ZNF26: variants seen among roughly 807,000 people sequenced by gnomAD.
The protein encoded by ZNF26 is zinc finger protein 26, also known as epididymis luminal protein 179.
ZNF26 carries 32 observed loss-of-function variants against 54.9 expected under a neutral mutation model. The ratio of observed to expected loss-of-function variants is 0.58; its 90% CI spans 0.44 to 0.78. The LOEUF (loss-of-function observed/expected upper bound fraction) is 0.78, where lower values mean the gene tolerates loss of function less well. ZNF26 is among the 30% of genes least tolerant of loss of function. ZNF26 has a pLI of 0.00. For synonymous variants in ZNF26, 221 were observed against 209.2 expected (o/e 1.06, Z -0.49); for missense variants, 524 against 634.0 (o/e 0.83, Z 1.86).
intron 1 of ZNF26, among the ~76,000 whole-genome samples, chr12:132,997,448 C>T (rs1953112525): frequency 6.6e-6 from 1 of 152,078 alleles, no homozygotes; most frequent in African/African-American, 2.4e-5. Context: ...CGATGAGCTT[C>T]CAAGATAGAG....
intron 1 of ZNF26, among the ~76,000 whole-genome samples, chr12:132,990,721 A>G (rs1172038849): frequency 1.3e-5 from 2 of 152,116 alleles, no homozygotes; most frequent in African/African-American, 4.8e-5. Context: ...TTTTGATTCA[A>G]TTTAGGCTTA....
At chr12:132,996,493 G>A (rs1953087314) in intron 1 of ZNF26, among the ~76,000 whole-genome samples, 1 of 152,182 alleles carries the variant, frequency 6.6e-6, no homozygotes, top group African/African-American at 2.4e-5. Flanking sequence ...AGCAGTAGTA[G>A]TCCAAGCATA....
chr12:132,993,753 G>A lies in ZNF26; in HGVS notation c.33+6880G>A, dbSNP rs368965532. 8.7e-4 allele frequency among the ~76,000 whole-genome samples: 132 copies of A among 152,294 alleles called. 2 individuals carry two copies. The East Asian group carries it at 0.024, about 28-fold the overall frequency. On this transcript the variant is annotated intron_variant, in intron 1 of 3. Coordinates refer to ENST00000328654, the MANE Select transcript of ZNF26 (RefSeq NM_019591.4). ...TTACAGGCGTGAGCCACGGCGCGTG[G>A]TTGCCCTATGTTTTTTTGCCTTTTA...
chr12:132,997,040 C>T (rs961693977), intron 1 of ZNF26, among the ~76,000 whole-genome samples: 14 of 152,148 alleles, frequency 9.2e-5, no homozygotes, highest in Non-Finnish European at 1.8e-4. Context: ...GCTTCTAGAC[C>T]GTAGGGAGGG....
intron 1 of ZNF26, chr12:133,005,171 T>C (rs1953296644): frequency 6.6e-6 from 1 of 152,234 alleles, no homozygotes; most frequent in Non-Finnish European, 1.5e-5. Flanking sequence ...TGGTAATTCT[T>C]CTATAAACCA....
chr12:132,988,670 C>T (rs1339167440), intron 1 of ZNF26, among the ~76,000 whole-genome samples: 1 of 152,180 alleles, frequency 6.6e-6, no homozygotes, highest in Non-Finnish European at 1.5e-5. Flanking sequence ...TGCAAAATAA[C>T]TTGCTGGGAT....
In ZNF26 at chr12:133,010,979, A is replaced by G; in HGVS notation, c.1100A>G (p.Asn367Ser). The change falls in exon 4 of 4, where the codon AAT becomes AGT. Residue 367 changes from asparagine (N) to serine (S), a missense_variant. Asn to Ser is a conservative substitution (Grantham distance 46, BLOSUM62 1). Transcript: ENST00000328654. ...LIVHQGVHTG[N>S]NPYQCGECGK... The stretch of plus-strand genomic sequence containing the variant: ...GTACATCAGGGAGTTCACACAGGAA[A>G]TAATCCTTATCAATGCGGTGAATGT... 1.2e-6 allele frequency: 2 copies of G among 1,613,936 alleles called. No homozygotes were observed. The highest frequency in any genetic ancestry group is 1.7e-6 in the Non-Finnish European group (2 of 1,179,968).
chr12:132,991,721 C>T (rs1952963747), intron 1 of ZNF26, among the ~76,000 whole-genome samples: 1 of 151,852 alleles, frequency 6.6e-6, no homozygotes, highest in Non-Finnish European at 1.5e-5. Context: ...GAGGTGAGCC[C>T]AGGAGTTCGA....
intron 1 of ZNF26, among the ~76,000 whole-genome samples, chr12:132,996,828 G>A (rs939268732): frequency 2.0e-4 from 30 of 152,154 alleles, no homozygotes; most frequent in African/African-American, 6.5e-4. Flanking sequence ...GTGCCAAAAA[G>A]CTATTCCTTA....
chr12:132,994,243 A>G (rs779216597), intron 1 of ZNF26, among the ~76,000 whole-genome samples: 5 of 152,200 alleles, frequency 3.3e-5, no homozygotes, highest in Non-Finnish European at 4.4e-5. Context: ...ACGCTTTCTC[A>G]CAGAGATTTG....
Position 133,007,427 on chromosome 12 carries a change from C to A in ZNF26, c.161-10C>A. ...CCTGGTCCCCACCCTTTGTGATTTCCCATCAACAGGGTATCATGGTACCAA... is the reference window on the plus strand; with the variant it reads ...CCTGGTCCCCACCCTTTGTGATTTCACATCAACAGGGTATCATGGTACCAA... On this transcript the variant is annotated splice_polypyrimidine_tract_variant and intron_variant, in intron 2 of 3. Transcript: ENST00000328654. 6.2e-7 allele frequency: 1 copy of A among 1,606,864 alleles called. No homozygotes were observed. Among genetic ancestry groups the A allele is most frequent in the Non-Finnish European group, 8.5e-7 (1 of 1,175,100 alleles).
At chr12:132,996,242 C>G (rs1953080313) in intron 1 of ZNF26, among the ~76,000 whole-genome samples, 1 of 152,202 alleles carries the variant, frequency 6.6e-6, no homozygotes, top group South Asian at 2.1e-4. Context: ...TCACTGTCCA[C>G]TGGGGCACAT....
chr12:133,022,250 CTG>C lies in ZNF26; in HGVS notation c.*10770_*10771del, dbSNP rs1953653636. On this transcript the variant is annotated 3_prime_UTR_variant, in exon 4 of 4. Coordinates refer to ENST00000328654, the MANE Select transcript of ZNF26 (RefSeq NM_019591.4). ...AAATTAAAGTCATTAAAAAGAAAAA[CTG>C]AATTTTGCAAAATTATTGGATGTCA... 6.6e-6 allele frequency: 1 copy of C among 152,058 alleles called. No homozygotes were observed. Among genetic ancestry groups the C allele is most frequent in the Admixed American group, 6.6e-5 (1 of 15,252 alleles). The allele number at this position is 152,058 out of a possible 1,614,324, so 9.4% of individuals were successfully genotyped here. A position where few individuals can be genotyped will look rare whatever the true frequency, so the allele number is the denominator to read the frequency against.
intron 2 of ZNF26, 92 bp downstream of exon 2, chr12:133,007,260 C>G: frequency 6.7e-7 from 1 of 1,487,546 alleles, no homozygotes. Context: ...CTCTGAAGTG[C>G]TTAATGATTA....
Position 133,011,105 on chromosome 12 carries a change from G to T in ZNF26, c.1226G>T (p.Ser409Ile), listed in dbSNP as rs1183178688. 4.3e-6 allele frequency: 7 copies of T among 1,614,152 alleles called. No homozygotes were observed. The highest frequency in any genetic ancestry group is 5.1e-6 in the Non-Finnish European group (6 of 1,180,016). The change falls in exon 4 of 4, where the codon AGC (serine) becomes ATC (isoleucine). Residue 409 changes from serine to isoleucine, a missense_variant. Transcript: ENST00000328654. ...GCSECGKAFS[S>I]KSYLVIHRRT... The stretch of plus-strand genomic sequence containing the variant: ...AGTGAATGTGGGAAGGCTTTCAGCA[G>T]CAAGTCATACCTTGTTATACATAGG...
Position 133,018,374 on chromosome 12 carries a change from A to G in ZNF26, c.*6893A>G, listed in dbSNP as rs1003468109. On this transcript the variant is annotated 3_prime_UTR_variant, in exon 4 of 4. Transcript: ENST00000328654. ...AAAAGTCGGGGTGGGGGCTAGAACTATATAGGAATAATGGGTTTATAAAAG... is the reference window on the plus strand; with the variant it reads ...AAAAGTCGGGGTGGGGGCTAGAACTGTATAGGAATAATGGGTTTATAAAAG... The G allele has an allele frequency of 6.6e-6, 1 of 152,216 alleles. No individual in the cohort carries two copies. The highest frequency in any genetic ancestry group is 2.4e-5 in the African/African-American group (1 of 41,454). The allele number at this position is 152,216 out of a possible 1,614,324, so 9.4% of individuals were successfully genotyped here. A position where few individuals can be genotyped will look rare whatever the true frequency, so the allele number is the denominator to read the frequency against.
At chr12:132,991,520 G>A (rs1952955887) in intron 1 of ZNF26, among the ~76,000 whole-genome samples, 1 of 151,682 alleles carries the variant, frequency 6.6e-6, no homozygotes, top group South Asian at 2.1e-4. Context: ...AAAATAGCTA[G>A]GCATGGTGGC....
intron 1 of ZNF26, among the ~76,000 whole-genome samples, chr12:132,988,621 TTTTGTCTGTCTGAAC>T (rs1952879221): frequency 6.6e-6 from 1 of 152,180 alleles, no homozygotes; most frequent in Non-Finnish European, 1.5e-5. Flanking sequence ...AATCTAAGTC[TTTTGTCTGTCTGAAC>T]TTTATAATCA....
rs889335489 is a variant in ZNF26 at position 132,986,442 on chromosome 12, G to T, written c.-399G>T. 3.8e-5 allele frequency: 8 copies of T among 209,656 alleles called. No individual in the cohort carries two copies. Among genetic ancestry groups the T allele is most frequent in the Admixed American group, 1.1e-4 (2 of 18,130 alleles). The allele number at this position is 209,656 out of a possible 1,614,324, so 13.0% of individuals were successfully genotyped here. A position where few individuals can be genotyped will look rare whatever the true frequency, so the allele number is the denominator to read the frequency against. Reference sequence around the variant, plus strand: ...CTCAGTGGACCGGAATCTGGCCAGCGGGTGTACCTGGCTGAGTCTCTGTGG... The same window carrying T: ...CTCAGTGGACCGGAATCTGGCCAGCTGGTGTACCTGGCTGAGTCTCTGTGG... On this transcript the variant is annotated 5_prime_UTR_variant, in exon 1 of 4. Coordinates refer to ENST00000328654, the MANE Select transcript of ZNF26 (RefSeq NM_019591.4).
Sources: gnomAD v4.1 joint callset for allele counts (sites outside exome capture counted in the v4.1 genomes callset) on GRCh38, gnomAD v4.1.1 for gene constraint, MANE v1.5 for transcripts, NCBI Gene and HGNC (gene_info 2026-07-23, HGNC 2026-07-21) for gene names.